The following PDE10A variants were observed in gnomAD, a reference collection of about 807,000 sequenced individuals.
The protein encoded by PDE10A is phosphodiesterase 10A.
A neutral mutation model predicts 97.7 loss-of-function variants in PDE10A; 39 were observed. The observed-to-expected ratio is 0.40, with a 90% CI of 0.31 to 0.52. The LOEUF is 0.52. Ranked by LOEUF, PDE10A falls within the 20% of genes least tolerant of loss-of-function variation. The pLI is 0.56. For synonymous variants in PDE10A, 371 were observed against 376.8 expected, an observed-to-expected ratio of 0.98 and a Z score of 0.18; for missense variants, 731 against 1,047.8, an observed-to-expected ratio of 0.70 and a Z score of 4.17.
chr6:165,459,530 C>T (rs5025332), intron 3 of PDE10A, among the ~76,000 whole-genome samples: 15,898 of 57,000 alleles, frequency 0.28, 941 homozygotes, highest in Middle Eastern at 0.38. Context: ...GATAGACAGA[C>T]AGACAGACAG....
At position 165,738,259 on chromosome 6, in the gene PDE10A, G is replaced by A. The variant is rs867285970; in HGVS notation, c.-614-194691C>T. On this transcript the variant is annotated intron_variant, in intron 1 of 19. Transcript: ENST00000366882. Reference sequence around the variant, plus strand: ...TTCCCACCTATGAGTGAGAATATGCGGTGTTTGGTTTTTTGTTCTTGCAAT... The same window carrying A: ...TTCCCACCTATGAGTGAGAATATGCAGTGTTTGGTTTTTTGTTCTTGCAAT... Among the ~76,000 whole-genome samples, 1,076 of 149,352 alleles carry A rather than the reference G, an allele frequency of 7.2e-3. 15 individuals carry two copies. The highest frequency in any genetic ancestry group is 0.023 in the African/African-American group (944 of 40,418).
chr6:165,403,763 C>A (rs1267802329), intron 13 of PDE10A, among the ~76,000 whole-genome samples: 1 of 152,100 alleles, frequency 6.6e-6, no homozygotes, highest in Non-Finnish European at 1.5e-5. Flanking sequence ...TGTAACCACC[C>A]TTCTACTCTA....
chr6:165,592,691 GA>G (rs1030772379), intron 1 of PDE10A, among the ~76,000 whole-genome samples: 1 of 151,836 alleles, frequency 6.6e-6, no homozygotes, highest in African/African-American at 2.4e-5. Flanking sequence ...ACAAACATAT[GA>G]AAAAAAAGCC....
chr6:165,361,887 T>C (rs980646865), intron 18 of PDE10A, among the ~76,000 whole-genome samples: 2 of 152,226 alleles, frequency 1.3e-5, no homozygotes, highest in African/African-American at 4.8e-5. Context: ...TTTTAAGCCA[T>C]CTGGTTTGTG....
At chr6:165,810,632 A>C (rs777810313) in intron 1 of PDE10A, among the ~76,000 whole-genome samples, 49 of 152,076 alleles carry the variant, frequency 3.2e-4, no homozygotes, top group Non-Finnish European at 5.0e-4. Context: ...CTTCTCTTTC[A>C]GTCACTTGGC....
intron 1 of PDE10A, among the ~76,000 whole-genome samples, chr6:165,895,224 G>C (rs946873216): frequency 6.6e-6 from 1 of 152,172 alleles, no homozygotes; most frequent in Non-Finnish European, 1.5e-5. Context: ...GTGAGGATGA[G>C]GTCATACTCC....
intron 7 of PDE10A, 42 bp from the exon 8 acceptor site, chr6:165,431,514 T>A (rs1334872039): frequency 2.0e-6 from 2 of 995,834 alleles, no homozygotes; most frequent in Non-Finnish European, 3.1e-6. Context: ...TAATAATACA[T>A]AACGTATATA....
intron 2 of PDE10A, among the ~76,000 whole-genome samples, chr6:165,519,075 A>G (rs945381913): frequency 6.6e-6 from 1 of 152,238 alleles, no homozygotes; most frequent in Non-Finnish European, 1.5e-5. Flanking sequence ...TCATGGAACT[A>G]TCATTTTAGT....
chr6:165,946,943 AT>A (rs1562812127), intron 1 of PDE10A: 5 of 152,060 alleles, frequency 3.3e-5, no homozygotes, highest in African/African-American at 1.2e-4. Flanking sequence ...CTAGGTTTCC[AT>A]TTCAATGAAT....
At chr6:165,409,029 G>A (rs546977153) in intron 13 of PDE10A, among the ~76,000 whole-genome samples, 58 of 150,880 alleles carry the variant, frequency 3.8e-4, no homozygotes, top group Non-Finnish European at 7.3e-4. Flanking sequence ...GCTGGGTGTA[G>A]TGGCGGGTGC....
chr6:165,795,615 C>T (rs1273454653), intron 1 of PDE10A, among the ~76,000 whole-genome samples: 1 of 151,770 alleles, frequency 6.6e-6, no homozygotes, highest in Non-Finnish European at 1.5e-5. Context: ...CCAGCAGACG[C>T]GGTGGTAGGT....
intron 1 of PDE10A, among the ~76,000 whole-genome samples, chr6:165,788,911 CCCCCAGTGTGTGCACCAT>C (rs1205802181): frequency 6.6e-6 from 1 of 152,058 alleles, no homozygotes; most frequent in Non-Finnish European, 1.5e-5. Context: ...GCGTGCACCA[CCCCCAGTGTGTGCACCAT>C]CCCCAGGAGA....
chr6:165,882,484 A>G (rs1349933412), intron 1 of PDE10A, among the ~76,000 whole-genome samples: 1 of 152,218 alleles, frequency 6.6e-6, no homozygotes, highest in East Asian at 1.9e-4. Flanking sequence ...GGTGTATATC[A>G]AGTATTCCTG....
At chr6:165,651,186 T>C (rs1789669788) in intron 1 of PDE10A, among the ~76,000 whole-genome samples, 1 of 152,226 alleles carries the variant, frequency 6.6e-6, no homozygotes, top group South Asian at 2.1e-4. Context: ...TTTGCAAATG[T>C]CACAGGTGCC....
rs875590 is a variant in PDE10A, at chr6:165,655,870, C to A, written c.865+6077G>T. ...CAGCTCCAGCACGGCCGTCACCCCGCTCCTCTGCCTTGTGAGCCCCCTCTG... is the reference window on the plus strand; with the variant it reads ...CAGCTCCAGCACGGCCGTCACCCCGATCCTCTGCCTTGTGAGCCCCCTCTG... On this transcript the variant is annotated intron_variant, in intron 1 of 21. Transcript: ENST00000539869. The surrounding 1 kb of genome is among the most constrained non-coding windows in gnomAD (Gnocchi z 4.5). Among the ~76,000 whole-genome samples, 51,390 of 151,836 alleles carry A rather than the reference C, an allele frequency of 0.34. 9,242 individuals are homozygous for A. Among genetic ancestry groups the A allele is most frequent in the Admixed American group, 0.43 (6,573 of 15,258 alleles).
chr6:165,855,097 G>A (rs927981527), intron 1 of PDE10A, among the ~76,000 whole-genome samples: 1 of 152,142 alleles, frequency 6.6e-6, no homozygotes, highest in Non-Finnish European at 1.5e-5. Flanking sequence ...TAATGGCCAG[G>A]GAGGTAAATC....
In PDE10A at chr6:165,338,744, AAAGCCT is replaced by A. The variant is rs1277853269; in HGVS notation, c.2976+528_2976+533del. Among the ~76,000 whole-genome samples the A allele has an allele frequency of 2.0e-5, 3 of 152,362 alleles. No homozygotes were observed. In the East Asian group the frequency reaches 5.8e-4, roughly 29 times the overall value. On this transcript the variant is annotated intron_variant, in intron 20 of 21. Coordinates refer to ENST00000539869, the MANE Select transcript of PDE10A (RefSeq NM_001385079.1). ...CCCCCTCTATTTCAAGTCAGAAAAGAAAGCCTATTTACTGCAACGGCAGCTGTAGAA... is the reference window on the plus strand; with the variant it reads ...CCCCCTCTATTTCAAGTCAGAAAAGAATTTACTGCAACGGCAGCTGTAGAA...
At chr6:165,676,217 G>T (rs1483853907) in intron 1 of PDE10A, among the ~76,000 whole-genome samples, 1 of 152,144 alleles carries the variant, frequency 6.6e-6, no homozygotes, top group Non-Finnish European at 1.5e-5. Flanking sequence ...ACAGACTTTG[G>T]AGACACAGAA....
intron 1 of PDE10A, among the ~76,000 whole-genome samples, chr6:165,856,788 TTC>T (rs1330973291): frequency 2.0e-5 from 3 of 152,218 alleles, no homozygotes; most frequent in South Asian, 2.1e-4. Flanking sequence ...TTCATAAATT[TTC>T]TCTGTTTTCC....
Sources: allele counts gnomAD v4.1 joint callset (sites outside exome capture counted in the v4.1 genomes callset), GRCh38; gene constraint gnomAD v4.1.1; non-coding constraint Gnocchi (gnomAD v3.1); transcripts MANE v1.5; gene names NCBI Gene and HGNC (gene_info 2026-07-23, HGNC 2026-07-21).